PELI2: variants seen among roughly 807,000 people sequenced by gnomAD.
PELI2 encodes pellino E3 ubiquitin protein ligase family member 2, also known as E3 ubiquitin-protein ligase pellino homolog 2.
In PELI2, 23 loss-of-function variants were observed where a neutral mutation model predicts 42.3. The ratio of observed to expected loss-of-function variants is 0.54; its 90% confidence interval spans 0.39 to 0.77. The LOEUF (loss-of-function observed/expected upper bound fraction) is 0.77, where lower values mean the gene tolerates loss of function less well. Among genes scored for constraint, PELI2 ranks in the 30% least tolerant of loss-of-function variants. The pLI is 0.00. For missense variants in PELI2, 463 were observed against 553.2 expected, an observed-to-expected ratio of 0.84 and a Z score of 1.64; for synonymous variants, 245 against 212.2, an observed-to-expected ratio of 1.15 and a Z score of -1.34.
chr14:56,243,741 T>G (rs117998164), intron 2 of PELI2, among the ~76,000 whole-genome samples: 4,111 of 152,070 alleles, frequency 0.027, 99 homozygotes, highest in Non-Finnish European at 0.043. Flanking sequence ...GTGACAAAAA[T>G]AAGAAAAACT....
At chr14:56,134,800 A>T (rs1244772650) in intron 1 of PELI2, among the ~76,000 whole-genome samples, 3 of 147,738 alleles carry the variant, frequency 2.0e-5, no homozygotes, top group Admixed American at 1.3e-4. Context: ...TTTGCTGGAG[A>T]GAGTTGAATA....
intron 2 of PELI2, among the ~76,000 whole-genome samples, chr14:56,274,745 A>G (rs1211005154): frequency 6.6e-6 from 1 of 152,228 alleles, no homozygotes; most frequent in Admixed American, 6.5e-5. Context: ...CACAAGCAGC[A>G]TAGCTGTAAG....
intron 2 of PELI2, among the ~76,000 whole-genome samples, chr14:56,222,306 T>A (rs915150058): frequency 1.3e-5 from 2 of 152,222 alleles, no homozygotes; most frequent in Admixed American, 1.3e-4. Context: ...TTTTGCTGGA[T>A]GTAGATCAGA....
Position 56,296,928 on chromosome 14 carries a change from GC to G in PELI2, c.1029del (p.Tyr344MetfsTer14). On this transcript the variant is annotated frameshift_variant, in exon 6 of 6. Transcript: ENST00000267460. LOFTEE classifies it high-confidence loss of function. ...ERECPMCRTV[G>X]PYVPLWLGCE... The stretch of plus-strand genomic sequence containing the variant: ...GAGTGTCCCATGTGCAGGACTGTGG[GC>G]CCCTATGTGCCTCTCTGGCTTGGCT... 6.2e-7 allele frequency: 1 copy of G among 1,614,092 alleles called. No individual in the cohort carries two copies. Among genetic ancestry groups the G allele is most frequent in the Non-Finnish European group, 8.5e-7 (1 of 1,180,006 alleles).
intron 2 of PELI2, among the ~76,000 whole-genome samples, chr14:56,241,313 T>TG (rs1280075687): frequency 4.6e-5 from 7 of 151,930 alleles, no homozygotes; most frequent in East Asian, 3.9e-4. Flanking sequence ...GTAGAACAAT[T>TG]GGGGGGGAAA....
chr14:56,294,563 T>C (rs1456446867), intron 5 of PELI2, among the ~76,000 whole-genome samples: 2 of 152,162 alleles, frequency 1.3e-5, no homozygotes, highest in Non-Finnish European at 2.9e-5. Flanking sequence ...TTCCCATACC[T>C]CTCTCTTTCC....
chr14:56,245,528 A>T, intron 2 of PELI2, among the ~76,000 whole-genome samples: 1 of 152,214 alleles, frequency 6.6e-6, no homozygotes, highest in East Asian at 1.9e-4. Flanking sequence ...CTGGTTGGCA[A>T]AATTTGGAAT....
intron 1 of PELI2, among the ~76,000 whole-genome samples, chr14:56,137,307 G>A (rs1266921177): frequency 6.6e-6 from 1 of 151,908 alleles, no homozygotes; most frequent in Admixed American, 6.6e-5. Context: ...ATGGGTAACA[G>A]AGAAAAAAAT....
At chr14:56,221,471 C>T (rs1015561376) in intron 2 of PELI2, among the ~76,000 whole-genome samples, 1 of 152,198 alleles carries the variant, frequency 6.6e-6, no homozygotes, top group Non-Finnish European at 1.5e-5. Context: ...ATAATTGTTT[C>T]ATTTTATAAA....
At chr14:56,175,128 C>T (rs564272802) in intron 1 of PELI2, among the ~76,000 whole-genome samples, 14 of 152,154 alleles carry the variant, frequency 9.2e-5, no homozygotes, top group African/African-American at 2.4e-4. Flanking sequence ...CCCGAGTAGC[C>T]GTGACTACAG....
At chr14:56,255,649 G>A (rs886210591) in intron 2 of PELI2, among the ~76,000 whole-genome samples, 2 of 152,038 alleles carry the variant, frequency 1.3e-5, no homozygotes, top group African/African-American at 4.8e-5. Flanking sequence ...AAAAAGTGGG[G>A]TTGGGGGAAG....
At position 56,182,886 on chromosome 14, in the gene PELI2, T is replaced by G. The variant is rs77065203; in HGVS notation, c.207+4422T>G. Reference sequence around the variant, plus strand: ...TGGGGTCCACTTTGGAAGCGCTCACTGTCTGTCTGCCGAGCCTGTGTCTCA... The same window carrying G: ...TGGGGTCCACTTTGGAAGCGCTCACGGTCTGTCTGCCGAGCCTGTGTCTCA... On this transcript the variant is annotated intron_variant, in intron 2 of 5. Coordinates refer to ENST00000267460, the MANE Select transcript of PELI2 (RefSeq NM_021255.3). Among the ~76,000 whole-genome samples the G allele has an allele frequency of 3.7e-3, 566 of 152,300 alleles. 2 individuals carry two copies. The highest frequency in any genetic ancestry group is 0.013 in the African/African-American group (522 of 41,582).
intron 1 of PELI2, among the ~76,000 whole-genome samples, chr14:56,135,978 A>G (rs1883676077): frequency 6.6e-6 from 1 of 152,196 alleles, no homozygotes; most frequent in South Asian, 2.1e-4. Context: ...TCTTTGATGG[A>G]TGAGGCTTAC....
chr14:56,190,323 G>T (rs1017766707), intron 2 of PELI2, among the ~76,000 whole-genome samples: 1 of 152,118 alleles, frequency 6.6e-6, no homozygotes, highest in Non-Finnish European at 1.5e-5. Flanking sequence ...GTTAAATTTG[G>T]TTCTCTTAAA....
At chr14:56,208,429 A>C (rs1886592174) in intron 2 of PELI2, among the ~76,000 whole-genome samples, 1 of 152,200 alleles carries the variant, frequency 6.6e-6, no homozygotes. Flanking sequence ...ATTTCACTGG[A>C]AGGTGTAGGA....
chr14:56,136,222 G>T (rs963435465), intron 1 of PELI2, among the ~76,000 whole-genome samples: 1 of 152,144 alleles, frequency 6.6e-6, no homozygotes, highest in Non-Finnish European at 1.5e-5. Flanking sequence ...TAGATTCTGC[G>T]TATTTGAGTT....
intron 2 of PELI2, among the ~76,000 whole-genome samples, chr14:56,205,028 T>G (rs1216939977): frequency 1.4e-5 from 1 of 70,170 alleles, no homozygotes; most frequent in Non-Finnish European, 3.2e-5. Context: ...AGACTCCCTG[T>G]CAAAAAAAAA....
At chr14:56,225,953 G>C (rs934289299) in intron 2 of PELI2, among the ~76,000 whole-genome samples, 1 of 152,114 alleles carries the variant, frequency 6.6e-6, no homozygotes, top group African/African-American at 2.4e-5. Flanking sequence ...GTGAAACCTG[G>C]ATTTGAACTC....
intron 3 of PELI2, among the ~76,000 whole-genome samples, chr14:56,281,089 T>C (rs1334873803): frequency 6.6e-6 from 1 of 152,120 alleles, no homozygotes; most frequent in Non-Finnish European, 1.5e-5. Flanking sequence ...TGGTGCAACA[T>C]TTCTATAGGG....
Sources: allele counts gnomAD v4.1 joint callset (sites outside exome capture counted in the v4.1 genomes callset), GRCh38; gene constraint gnomAD v4.1.1; transcripts MANE v1.5; gene names NCBI Gene and HGNC (gene_info 2026-07-23, HGNC 2026-07-21).